The following TLE1 variants were observed in gnomAD, a reference collection of about 807,000 sequenced individuals.
The protein encoded by TLE1 is TLE family member 1, transcriptional corepressor.
In TLE1, 21 loss-of-function variants were observed where a neutral mutation model predicts 89.8. The ratio of observed to expected loss-of-function variants is 0.23; its 90% CI spans 0.17 to 0.34. The LOEUF (loss-of-function observed/expected upper bound fraction) is 0.34, where lower values mean the gene tolerates loss of function less well. TLE1 is among the 10% of genes least tolerant of loss of function. The pLI, the probability that TLE1 is intolerant of heterozygous loss-of-function variation, is 1.00. For synonymous variants in TLE1, 447 were observed against 407.6 expected (o/e 1.10, Z -1.16); for missense variants, 795 against 1,031.2 (o/e 0.77, Z 3.14).
chr9:81,636,384 C>T (rs971603407), intron 6 of TLE1, among the ~76,000 whole-genome samples: 1 of 138,748 alleles, frequency 7.2e-6, no homozygotes, highest in Non-Finnish European at 1.5e-5. Context: ...GGATGAGGAA[C>T]AGGACTGCCC....
intron 8 of TLE1, among the ~76,000 whole-genome samples, chr9:81,622,617 G>C (rs1353443299): frequency 6.6e-6 from 1 of 152,206 alleles, no homozygotes; most frequent in African/African-American, 2.4e-5. Flanking sequence ...AGTTACTACT[G>C]TAATTTCCGC....
chr9:81,620,637 A>T (rs572770122), intron 8 of TLE1, 80 bp from the exon 9 acceptor site: 4 of 1,550,314 alleles, frequency 2.6e-6, no homozygotes, highest in South Asian at 2.5e-5. Context: ...TGTGAGAACT[A>T]TTTTTGAAAG....
intron 17 of TLE1, among the ~76,000 whole-genome samples, chr9:81,587,353 G>A (rs891659079): frequency 6.6e-6 from 1 of 152,154 alleles, no homozygotes; most frequent in South Asian, 2.1e-4. Flanking sequence ...TAGATGGTGA[G>A]AATATGTGCC....
At chr9:81,626,141 T>C (rs1362830178) in intron 8 of TLE1, among the ~76,000 whole-genome samples, 4 of 152,152 alleles carry the variant, frequency 2.6e-5, no homozygotes. Flanking sequence ...ATTATTCAAA[T>C]GGATTTCTTT....
intron 6 of TLE1, among the ~76,000 whole-genome samples, chr9:81,634,557 T>C (rs975260999): frequency 3.3e-5 from 5 of 149,580 alleles, no homozygotes; most frequent in Non-Finnish European, 7.4e-5. Flanking sequence ...CAAAATATAA[T>C]CCTCACATCT....
At chr9:81,617,560 G>C (rs1824701581) in intron 9 of TLE1, among the ~76,000 whole-genome samples, 1 of 151,924 alleles carries the variant, frequency 6.6e-6, no homozygotes, top group African/African-American at 2.4e-5. Context: ...AAATTAGCCG[G>C]GCGTGGTGGC....
intron 8 of TLE1, among the ~76,000 whole-genome samples, chr9:81,632,077 GA>G (rs1288186881): frequency 6.6e-6 from 1 of 151,392 alleles, no homozygotes; most frequent in Non-Finnish European, 1.5e-5. Context: ...GTGACAGAGC[GA>G]AGACTCCATC....
chr9:81,600,586 T>C lies in TLE1; in HGVS notation c.1332-7312A>G, dbSNP rs751368214. On this transcript the variant is annotated intron_variant, in intron 14 of 19. Coordinates refer to ENST00000376499, the MANE Select transcript of TLE1 (RefSeq NM_005077.5). ...TAAACTAATACCCACATGGCAATAA[T>C]AAGGAACAAAATGGGCATGTTATTT... 4.6e-5 allele frequency among the ~76,000 whole-genome samples: 6 copies of C among 131,664 alleles called. No individual in the cohort carries two copies. In the East Asian group the frequency reaches 8.9e-4, roughly 20 times the overall value. The allele number at this position is 131,664 out of a possible 152,430, so 86.4% of individuals were successfully genotyped here.
At chr9:81,656,964 G>A (rs1042364041) in intron 4 of TLE1, among the ~76,000 whole-genome samples, 5 of 152,168 alleles carry the variant, frequency 3.3e-5, no homozygotes, top group South Asian at 2.1e-4. Flanking sequence ...CAATTATTGC[G>A]AGTTTAGGAG....
chr9:81,586,905 C>T (rs895860081), intron 17 of TLE1, among the ~76,000 whole-genome samples: 3 of 152,130 alleles, frequency 2.0e-5, no homozygotes, highest in Non-Finnish European at 4.4e-5. Context: ...AGTATATATG[C>T]TTGTTTTCTG....
At chr9:81,688,121 T>A in intron 1 of TLE1, 96 bp downstream of exon 1, 1 of 1,498,774 alleles carries the variant, frequency 6.7e-7, no homozygotes, top group Non-Finnish European at 9.1e-7. Context: ...GGCGAGAAGG[T>A]CCGCCGGGCC....
chr9:81,601,238 G>A (rs1830880871), intron 14 of TLE1, among the ~76,000 whole-genome samples: 1 of 152,296 alleles, frequency 6.6e-6, no homozygotes, highest in Non-Finnish European at 1.5e-5. Flanking sequence ...AAAGGGGGAA[G>A]CCCCCGGCCA....
At chr9:81,665,741 T>G (rs903023866) in intron 4 of TLE1, among the ~76,000 whole-genome samples, 3 of 152,136 alleles carry the variant, frequency 2.0e-5, no homozygotes, top group African/African-American at 7.2e-5. Flanking sequence ...CGGGCTTGAG[T>G]GTGGGGCCCA....
intron 8 of TLE1, among the ~76,000 whole-genome samples, chr9:81,625,170 ACT>A (rs565602051): frequency 6.6e-6 from 1 of 152,020 alleles, no homozygotes; most frequent in East Asian, 1.9e-4. Context: ...AAGGGACTGG[ACT>A]CTCTCTCTCA....
At chr9:81,622,918 C>T (rs1219113101) in intron 8 of TLE1, among the ~76,000 whole-genome samples, 1 of 152,152 alleles carries the variant, frequency 6.6e-6, no homozygotes, top group Non-Finnish European at 1.5e-5. Context: ...GGCAGGCTTT[C>T]CACCTAAAGT....
chr9:81,675,708 G>GTTTTTTTTTTTTTTTTTT (rs61458315), intron 4 of TLE1, among the ~76,000 whole-genome samples: 2 of 132,440 alleles, frequency 1.5e-5, no homozygotes, highest in African/African-American at 3.0e-5. Flanking sequence ...GTTTTTTTTT[G>GTTTTTTTTTTTTTTTTTT]TTTTTTTTTT....
intron 8 of TLE1, among the ~76,000 whole-genome samples, chr9:81,626,906 C>G (rs578132402): frequency 6.6e-6 from 1 of 152,228 alleles, no homozygotes; most frequent in South Asian, 2.1e-4. Context: ...TTTAAATAAC[C>G]TCATGACACT....
intron 1 of TLE1, 48 bp from the exon 2 acceptor site, chr9:81,687,482 T>G (rs1834448249): frequency 2.1e-6 from 3 of 1,444,402 alleles, no homozygotes; most frequent in Non-Finnish European, 2.9e-6. Context: ...TGCGGGCGGA[T>G]GAATAAAGCA....
chr9:81,635,818 T>C (rs1350283473), intron 6 of TLE1, among the ~76,000 whole-genome samples: 2 of 152,162 alleles, frequency 1.3e-5, no homozygotes, highest in African/African-American at 4.8e-5. Context: ...AATCAGTGTC[T>C]GTGGAAATTT....
Sources: allele counts gnomAD v4.1 joint callset (sites outside exome capture counted in the v4.1 genomes callset), GRCh38; gene constraint gnomAD v4.1.1; transcripts MANE v1.5; gene names NCBI Gene and HGNC (gene_info 2026-07-23, HGNC 2026-07-21).